The following SLC22A25 variants were observed in gnomAD, a reference collection of about 807,000 sequenced individuals.
SLC22A25 encodes the protein solute carrier family 22 member 25, also known as MGI:2442751, MGI:2385316, MGI:3042283, MGI:3645714, MGI:3605624, MGI:2442750.
A neutral mutation model predicts 45.9 loss-of-function variants in SLC22A25; 44 were observed. The ratio of observed to expected loss-of-function variants is 0.96; its 90% CI spans 0.75 to 1.23. The LOEUF (loss-of-function observed/expected upper bound fraction) is 1.23. SLC22A25 is among the 50% of genes most tolerant of loss of function. The probability of loss-of-function intolerance (pLI) is 0.00; values close to 1 mark genes in which losing one functional copy is unlikely to be tolerated. For missense variants in SLC22A25, 800 were observed against 666.4 expected (o/e 1.20, Z -2.21); for synonymous variants, 283 against 238.6 (o/e 1.19, Z -1.72).
intron 3 of SLC22A25, among the ~76,000 whole-genome samples, chr11:63,235,998 C>A (rs2090156107): frequency 6.6e-6 from 1 of 152,166 alleles, no homozygotes; most frequent in Non-Finnish European, 1.5e-5. Context: ...GATCATTCCT[C>A]TGGGAGTTTT....
rs2087558544 is a variant in SLC22A25 at position 63,162,867 on chromosome 11, A to G, written c.*957T>C. On this transcript the variant is annotated 3_prime_UTR_variant, in exon 12 of 12. Transcript: ENST00000306494. ...TAGAAATGGTCTCGATTTTTCCTTTATCTTGCTGTTTAATCAGCAATCAGC... is the reference window on the plus strand; with the variant it reads ...TAGAAATGGTCTCGATTTTTCCTTTGTCTTGCTGTTTAATCAGCAATCAGC... 6.6e-6 allele frequency among the ~76,000 whole-genome samples: 1 copy of G among 152,102 alleles called. No homozygotes were observed. Among genetic ancestry groups the G allele is most frequent in the South Asian group, 2.1e-4 (1 of 4,820 alleles).
chr11:63,181,945 G>A (rs2088340930), intron 8 of SLC22A25, among the ~76,000 whole-genome samples: 1 of 151,964 alleles, frequency 6.6e-6, no homozygotes, highest in Admixed American at 6.6e-5. Flanking sequence ...TGTGGTTTGG[G>A]CATAGGAGAT....
chr11:63,213,503 C>A (rs2089631895), intron 7 of SLC22A25, among the ~76,000 whole-genome samples: 2 of 152,170 alleles, frequency 1.3e-5, no homozygotes, highest in African/African-American at 4.8e-5. Flanking sequence ...AAGATGCCAA[C>A]AAGCTAGCCC....
At chr11:63,220,880 G>C (rs2089837708) in intron 5 of SLC22A25, among the ~76,000 whole-genome samples, 3 of 152,108 alleles carry the variant, frequency 2.0e-5, no homozygotes, top group Admixed American at 6.6e-5. Flanking sequence ...TGTGAAGTTT[G>C]TCTTTCTTTT....
chr11:63,210,068 A>T (rs548699525), intron 7 of SLC22A25, among the ~76,000 whole-genome samples: 1 of 152,230 alleles, frequency 6.6e-6, no homozygotes, highest in African/African-American at 2.4e-5. Context: ...ACAAAAGCCA[A>T]AGTGCATTCT....
chr11:63,191,986 C>T (rs1260320597), intron 7 of SLC22A25, among the ~76,000 whole-genome samples: 2 of 152,208 alleles, frequency 1.3e-5, no homozygotes, highest in Non-Finnish European at 2.9e-5. Context: ...CACAGAATTC[C>T]AGTAAGATAC....
At chr11:63,217,264 A>C (rs774332137) in intron 7 of SLC22A25, 50 bp downstream of exon 7, 11 of 1,584,938 alleles carry the variant, frequency 6.9e-6, no homozygotes, top group Non-Finnish European at 9.4e-6. Flanking sequence ...TTCCATGTAC[A>C]TCTGCATTCA....
intron 9 of SLC22A25, among the ~76,000 whole-genome samples, chr11:63,168,969 C>T (rs959718414): frequency 1.3e-5 from 2 of 152,136 alleles, no homozygotes; most frequent in African/African-American, 4.8e-5. Flanking sequence ...CAGTGGATCT[C>T]TCTGCAAAAA....
intron 7 of SLC22A25, among the ~76,000 whole-genome samples, chr11:63,215,798 T>G (rs1460536108): frequency 6.6e-6 from 1 of 152,054 alleles, no homozygotes; most frequent in Admixed American, 6.6e-5. Context: ...TGGACCCCAG[T>G]GTTTATTGTT....
chr11:63,216,699 A>G (rs750756013), intron 7 of SLC22A25, among the ~76,000 whole-genome samples: 3 of 152,124 alleles, frequency 2.0e-5, no homozygotes, highest in Non-Finnish European at 4.4e-5. Flanking sequence ...ATCAGGAAAA[A>G]TTACAAACGG....
intron 3 of SLC22A25, among the ~76,000 whole-genome samples, chr11:63,231,355 A>G (rs905042907): frequency 2.0e-5 from 3 of 152,186 alleles, no homozygotes; most frequent in African/African-American, 7.2e-5. Flanking sequence ...AACTGGTGTG[A>G]GATGGTATCT....
At chr11:63,180,845 C>A in intron 8 of SLC22A25, 70 bp from the exon 9 acceptor site, 1 of 1,075,044 alleles carries the variant, frequency 9.3e-7, no homozygotes, top group Admixed American at 2.0e-5. Flanking sequence ...GAGGACTTGT[C>A]AACCAACAGA....
chr11:63,230,540 C>A (rs2090047663), intron 3 of SLC22A25, among the ~76,000 whole-genome samples: 1 of 152,088 alleles, frequency 6.6e-6, no homozygotes, highest in Non-Finnish European at 1.5e-5. Context: ...GAATTGCAGA[C>A]AAAATATAGG....
At position 63,166,254 on chromosome 11, in the gene SLC22A25, C is replaced by T. The variant is rs1232595685; in HGVS notation, c.1075G>A (p.Ala359Thr). 1.2e-6 allele frequency: 2 copies of T among 1,613,776 alleles called. No homozygotes were observed. The highest frequency in any genetic ancestry group is 1.7e-6 in the Non-Finnish European group (2 of 1,179,876). Residue 359 changes from alanine (A) to threonine (T), a missense_variant, in exon 10 of 12, where the codon GCA becomes ACA. By Grantham distance (58) the Ala-to-Thr change is moderately conservative. Coordinates refer to ENST00000306494, the MANE Select transcript of SLC22A25 (RefSeq NM_199352.6). ...AGGCCCCAAAAAGGGATGGTACTTG[C>T]AAATCTGCAGGGAACACAGAAAAAG... ...RICFLSFVRF[A>T]STIPFWGLTL...
chr11:63,173,626 C>A (rs1223400903), intron 9 of SLC22A25, among the ~76,000 whole-genome samples: 4 of 152,102 alleles, frequency 2.6e-5, no homozygotes, highest in Non-Finnish European at 5.9e-5. Flanking sequence ...GGGTTTGTGA[C>A]TTTCCCAGTG....
chr11:63,242,046 G>A (rs932417440), intron 1 of SLC22A25, among the ~76,000 whole-genome samples: 3 of 152,308 alleles, frequency 2.0e-5, no homozygotes, highest in South Asian at 2.1e-4. Context: ...TTTGGGTGTG[G>A]CTTTTGTCTA....
chr11:63,172,250 C>G (rs1451950896), intron 9 of SLC22A25, among the ~76,000 whole-genome samples: 1 of 152,124 alleles, frequency 6.6e-6, no homozygotes, highest in Admixed American at 6.6e-5. Flanking sequence ...GACTTCAGGA[C>G]TAAAACACCA....
intron 7 of SLC22A25, among the ~76,000 whole-genome samples, chr11:63,210,314 G>T (rs1283202628): frequency 1.3e-5 from 2 of 152,192 alleles, no homozygotes; most frequent in Non-Finnish European, 2.9e-5. Context: ...TAGAAACAAA[G>T]AGACAGCTTG....
chr11:63,192,066 AT>A (rs1443322236), intron 7 of SLC22A25, among the ~76,000 whole-genome samples: 1 of 152,230 alleles, frequency 6.6e-6, no homozygotes, highest in Non-Finnish European at 1.5e-5. Flanking sequence ...GATAGAAAAA[AT>A]GTTAAATGCA....
Sources: allele counts gnomAD v4.1 joint callset (sites outside exome capture counted in the v4.1 genomes callset), GRCh38; gene constraint gnomAD v4.1.1; transcripts MANE v1.5; gene names NCBI Gene and HGNC (gene_info 2026-07-23, HGNC 2026-07-21).